Variants in TRMT10B observed in about 807,000 individuals in gnomAD.
TRMT10B encodes the protein tRNA methyltransferase 10B.
In TRMT10B, 33 loss-of-function variants were observed where a neutral mutation model predicts 43.8. That is an observed-to-expected ratio of 0.75 (90% CI 0.57 to 1.01). The LOEUF (loss-of-function observed/expected upper bound fraction) is 1.01. TRMT10B is among the 50% of genes least tolerant of loss of function. The pLI, the probability that TRMT10B is intolerant of heterozygous loss-of-function variation, is 0.00. For synonymous variants in TRMT10B, 137 were observed against 130.6 expected (o/e 1.05, Z -0.34); for missense variants, 362 against 369.8 (o/e 0.98, Z 0.17).
At chr9:37,765,414 C>T (rs549388105) in intron 4 of TRMT10B, among the ~76,000 whole-genome samples, 12 of 152,308 alleles carry the variant, frequency 7.9e-5, no homozygotes, top group African/African-American at 2.9e-4. Context: ...CATGTCCCTA[C>T]AAAGGACATG....
intron 1 of TRMT10B, 133 bp from the exon 2 acceptor site, chr9:37,761,770 C>T (rs1826360926): frequency 4.9e-6 from 3 of 609,636 alleles, no homozygotes; most frequent in Non-Finnish European, 8.5e-6. Context: ...ATGCTTTTCT[C>T]AGTCCAGTAA....
Position 37,768,228 on chromosome 9 carries a change from G to A in TRMT10B, c.573G>A (p.Leu191=), listed in dbSNP as rs1827194307. 6.2e-7 allele frequency: 1 copy of A among 1,609,370 alleles called. No homozygotes were observed. Residue 191 remains leucine (L), a splice_region_variant and synonymous_variant, in exon 5 of 9, where the codon CTG becomes CTA. Coordinates refer to ENST00000297994, the MANE Select transcript of TRMT10B (RefSeq NM_144964.4). The part of the protein sequence containing the change: ...VRMNDGFSSY[L]LDITEEDCFS... ...TGAATGATGGATTTTCTAGTTACCT[G>A]GTAAGTCTCTTTTTGCATATTATTT...
chr9:37,778,438 C>T lies in TRMT10B; in HGVS notation c.*731C>T, dbSNP rs1828410361. 6.6e-6 allele frequency: 1 copy of T among 151,956 alleles called. No homozygotes were observed. Among genetic ancestry groups the T allele is most frequent in the Admixed American group, 6.6e-5 (1 of 15,256 alleles). 9.4% of individuals were successfully genotyped at this position (151,956 alleles called of 1,614,324 possible). A position where few individuals can be genotyped will look rare whatever the true frequency, so the allele number is the denominator to read the frequency against. ...GCTGAGGCAGGAGAATCGCCTGAAC[C>T]CGGGCGGCGGAGGTTGTAGTGAGCC... On this transcript the variant is annotated 3_prime_UTR_variant, in exon 9 of 9. Transcript: ENST00000297994.
At chr9:37,777,406 GC>G (rs2118951067) in intron 8 of TRMT10B, among the ~76,000 whole-genome samples, 194 bp from the exon 9 acceptor site, 1 of 150,256 alleles carries the variant, frequency 6.7e-6, no homozygotes, top group South Asian at 2.1e-4. Flanking sequence ...CCATTCATAG[GC>G]CTGTATCTTT....
intron 1 of TRMT10B, among the ~76,000 whole-genome samples, chr9:37,759,421 A>G (rs1008750245): frequency 3.3e-5 from 5 of 152,260 alleles, no homozygotes; most frequent in African/African-American, 4.8e-5. Context: ...TATAATAGAT[A>G]CAGCTAATCC....
At chr9:37,753,395 C>T (rs1825172246), upstream of TRMT10B, among the ~76,000 whole-genome samples, 1 of 152,224 alleles carries the variant, frequency 6.6e-6, no homozygotes, top group Non-Finnish European at 1.5e-5. Flanking sequence ...GCATGTCCAA[C>T]CGCCCCGCTC....
chr9:37,755,316 A>G (rs1400467916), intron 1 of TRMT10B, among the ~76,000 whole-genome samples: 1 of 150,868 alleles, frequency 6.6e-6, no homozygotes, highest in Non-Finnish European at 1.5e-5. Context: ...TAGGAAGACA[A>G]ACAAGCTCTG....
At chr9:37,769,646 G>A in intron 5 of TRMT10B, 1 of 240,522 alleles carries the variant, frequency 4.2e-6, no homozygotes, top group East Asian at 7.9e-5. Context: ...AAGACAGGCT[G>A]AAGTGCAGTG....
At chr9:37,777,107 T>C (rs749452234) in intron 8 of TRMT10B, among the ~76,000 whole-genome samples, 4 of 133,840 alleles carry the variant, frequency 3.0e-5, no homozygotes, top group Non-Finnish European at 6.1e-5. Context: ...GGCAAGAGAA[T>C]TGCTTGAATC....
intron 5 of TRMT10B, among the ~76,000 whole-genome samples, chr9:37,769,341 A>AAAAAAC (rs1827307155): frequency 1.4e-5 from 2 of 139,948 alleles, no homozygotes; most frequent in Admixed American, 7.3e-5. Context: ...AAAAAAAAAA[A>AAAAAAC]TCTCCTTTCA....
chr9:37,764,315 ATTTTTTTTTTTT>A (rs753115932), intron 4 of TRMT10B, among the ~76,000 whole-genome samples: 2 of 110,582 alleles, frequency 1.8e-5, no homozygotes, highest in Non-Finnish European at 1.8e-5. Context: ...CGCCTGACAA[ATTTTTTTTTTTT>A]TTTTTTTTTT....
intron 1 of TRMT10B, among the ~76,000 whole-genome samples, chr9:37,756,994 CCTAT>C (rs1403436770): frequency 6.7e-6 from 1 of 148,170 alleles, no homozygotes; most frequent in African/African-American, 2.5e-5. Context: ...CATAGCAAGA[CCTAT>C]CTCTTAACTT....
At chr9:37,768,261 C>T in intron 5 of TRMT10B, 33 bp downstream of exon 5, 1 of 1,570,784 alleles carries the variant, frequency 6.4e-7, no homozygotes, top group Non-Finnish European at 8.7e-7. Flanking sequence ...TTTGAATTGT[C>T]ATCTGAAAAG....
intron 4 of TRMT10B, 41 bp from the exon 5 acceptor site, chr9:37,768,035 T>C: frequency 1.2e-6 from 2 of 1,607,336 alleles, no homozygotes; most frequent in Non-Finnish European, 1.7e-6. Flanking sequence ...TTAGAGTGAG[T>C]TGGCATGTTT....
At chr9:37,764,509 G>C (rs976653474) in intron 4 of TRMT10B, among the ~76,000 whole-genome samples, 2 of 151,782 alleles carry the variant, frequency 1.3e-5, no homozygotes, top group Non-Finnish European at 2.9e-5. Context: ...TTTTAGTAGA[G>C]ATGGGGTTTC....
intron 7 of TRMT10B, 77 bp from the exon 8 acceptor site, chr9:37,776,205 T>C (rs1053586636): frequency 1.7e-6 from 2 of 1,205,526 alleles, no homozygotes. Context: ...AGGCTACTTA[T>C]TTTTAATGCT....
At chr9:37,755,753 G>A (rs1825590224) in intron 1 of TRMT10B, among the ~76,000 whole-genome samples, 1 of 151,740 alleles carries the variant, frequency 6.6e-6, no homozygotes, top group Non-Finnish European at 1.5e-5. Context: ...GTAGAGATTT[G>A]GAGAAACATG....
intron 7 of TRMT10B, among the ~76,000 whole-genome samples, chr9:37,775,700 A>ATT (rs200251527): frequency 6.0e-5 from 9 of 150,048 alleles, no homozygotes; most frequent in African/African-American, 2.0e-4. Flanking sequence ...CACCCTGTTA[A>ATT]TTTTTTTTTT....
In TRMT10B at chr9:37,778,665, A is replaced by C. The variant is rs1828436325; in HGVS notation, c.*958A>C. 1 of 152,228 alleles carries C rather than the reference A, an allele frequency of 6.6e-6. No individual in the cohort carries two copies. Among genetic ancestry groups the C allele is most frequent in the Non-Finnish European group, 1.5e-5 (1 of 68,044 alleles). 9.4% of individuals were successfully genotyped at this position (152,228 alleles called of 1,614,324 possible). A position where few individuals can be genotyped will look rare whatever the true frequency, so the allele number is the denominator to read the frequency against. On this transcript the variant is annotated 3_prime_UTR_variant, in exon 9 of 9. Transcript: ENST00000297994. ...ATATTCACTAAACTGGCATCATAAA[A>C]TTGTATGACTTTCTCCAGCCTTGTC... is the stretch of plus-strand genomic sequence containing the variant.
Sources: gnomAD v4.1 joint callset for allele counts (sites outside exome capture counted in the v4.1 genomes callset) on GRCh38, gnomAD v4.1.1 for gene constraint, MANE v1.5 for transcripts, NCBI Gene and HGNC (gene_info 2026-07-23, HGNC 2026-07-21) for gene names.